MTMR6: variants seen among roughly 807,000 people sequenced by gnomAD.
MTMR6 encodes the protein myotubularin related protein 6.
MTMR6 carries 47 observed loss-of-function variants against 80.1 expected under a neutral mutation model. That is an observed-to-expected ratio of 0.59 (90% CI 0.46 to 0.75). MTMR6 has a LOEUF of 0.75. Ranked by LOEUF, MTMR6 falls within the 30% of genes least tolerant of loss-of-function variation. MTMR6 has a pLI of 0.00. For synonymous variants in MTMR6, 254 were observed against 253.0 expected, an observed-to-expected ratio of 1.00 and a Z score of -0.04; for missense variants, 629 against 730.9, an observed-to-expected ratio of 0.86 and a Z score of 1.61.
At chr13:25,271,771 T>G (rs1166942184) in intron 2 of MTMR6, among the ~76,000 whole-genome samples, 2 of 152,260 alleles carry the variant, frequency 1.3e-5, no homozygotes, top group Non-Finnish European at 2.9e-5. Flanking sequence ...TATTGGCTAT[T>G]GTTTCCAAAA....
chr13:25,283,043 G>C (rs968946361), intron 1 of MTMR6, among the ~76,000 whole-genome samples: 1 of 151,864 alleles, frequency 6.6e-6, no homozygotes, highest in Non-Finnish European at 1.5e-5. Flanking sequence ...CTCAAGGCCA[G>C]ACCTTTTCCC....
Position 25,260,659 on chromosome 13 carries a change from T to C in MTMR6, c.726+1009A>G, listed in dbSNP as rs763919152. 22 of 1,287,208 alleles carry C rather than the reference T, an allele frequency of 1.7e-5. No individual in the cohort carries two copies. The East Asian group carries it at 4.5e-4, about 26-fold the overall frequency. The allele number at this position is 1,287,208 out of a possible 1,614,324, so 79.7% of individuals were successfully genotyped here. A position where few individuals can be genotyped will look rare whatever the true frequency, so the allele number is the denominator to read the frequency against. On this transcript the variant is annotated intron_variant, in intron 6 of 13. Transcript: ENST00000381801. Reference sequence around the variant, plus strand: ...CACTATAATTCTGCCAATGTCCTTTTGTGTAGCCCACCAGCTCTGCATGCG... The same window carrying C: ...CACTATAATTCTGCCAATGTCCTTTCGTGTAGCCCACCAGCTCTGCATGCG...
At chr13:25,279,933 C>T (rs886572773) in intron 1 of MTMR6, among the ~76,000 whole-genome samples, 1 of 152,106 alleles carries the variant, frequency 6.6e-6, no homozygotes, top group Admixed American at 6.6e-5. Flanking sequence ...GGAAATATGG[C>T]TTGTAAGATC....
At chr13:25,263,050 G>A (rs988490325) in intron 5 of MTMR6, among the ~76,000 whole-genome samples, 2 of 152,110 alleles carry the variant, frequency 1.3e-5, no homozygotes, top group East Asian at 3.8e-4. Flanking sequence ...ATCCAAGTCA[G>A]GTTCGAATAA....
chr13:25,270,556 G>A (rs1449300894), intron 2 of MTMR6, among the ~76,000 whole-genome samples: 1 of 152,150 alleles, frequency 6.6e-6, no homozygotes, highest in Non-Finnish European at 1.5e-5. Context: ...AAATACTGAA[G>A]CAAGTGGACA....
At chr13:25,261,316 A>AAG (rs1957334461) in intron 6 of MTMR6, among the ~76,000 whole-genome samples, 1 of 146,226 alleles carries the variant, frequency 6.8e-6, no homozygotes, top group African/African-American at 2.6e-5. Context: ...AAAAAAAAAA[A>AAG]AAAAAAAAAA....
chr13:25,261,401 T>C (rs975848425), intron 6 of MTMR6, among the ~76,000 whole-genome samples: 1 of 150,024 alleles, frequency 6.7e-6, no homozygotes, highest in African/African-American at 2.5e-5. Flanking sequence ...AAGACTTATA[T>C]ACTAGCAAGA....
At position 25,267,847 on chromosome 13, in the gene MTMR6, T is replaced by C; in HGVS notation, c.236A>G (p.His79Arg). 6.2e-7 allele frequency: 1 copy of C among 1,613,876 alleles called. No homozygotes were observed. The highest frequency in any genetic ancestry group is 1.3e-5 in the African/African-American group (1 of 75,020). Residue 79 changes from histidine (H) to arginine (R), a missense_variant, in exon 3 of 14, where the codon CAT becomes CGT. Physicochemically the swap from His to Arg is conservative, Grantham distance 29 (BLOSUM62 0). Coordinates refer to ENST00000381801, the MANE Select transcript of MTMR6 (RefSeq NM_004685.5). ...VIQCKNFRTV[H>R]FIVPRERDCH... The stretch of plus-strand genomic sequence containing the variant: ...ATCTCTTTCTCTGGGAACAATGAAA[T>C]GCACAGTTCTGAAGTTCTTGCACTG...
At chr13:25,258,818 T>C in intron 6 of MTMR6, 126 bp from the exon 7 acceptor site, 1 of 677,600 alleles carries the variant, frequency 1.5e-6, no homozygotes, top group Non-Finnish European at 2.2e-6. Flanking sequence ...CAAAACTGAA[T>C]AAGCTACCAT....
chr13:25,269,081 G>A (rs1222786608), intron 2 of MTMR6, among the ~76,000 whole-genome samples: 3 of 152,096 alleles, frequency 2.0e-5, no homozygotes, highest in Non-Finnish European at 1.5e-5. Context: ...TGGCCCCTCT[G>A]GAAACTGCTT....
At position 25,278,801 on chromosome 13, in the gene MTMR6, C is replaced by T. The variant is rs556216573; in HGVS notation, c.25-4614G>A. Among the ~76,000 whole-genome samples, 352 of 150,782 alleles carry T rather than the reference C, an allele frequency of 2.3e-3. 2 individuals carry two copies. The highest frequency in any genetic ancestry group is 8.6e-3 in the South Asian group (41 of 4,752). The stretch of plus-strand genomic sequence containing the variant: ...TTAGGAGGCTGAGGCATGAGAATCA[C>T]TTGAACCCTGGAGGCAGAGGTTGCA... On this transcript the variant is annotated intron_variant, in intron 1 of 13. Transcript: ENST00000381801.
At chr13:25,258,455 C>T (rs902715836) in intron 7 of MTMR6, 105 bp downstream of exon 7, 4 of 917,262 alleles carry the variant, frequency 4.4e-6, no homozygotes, top group Non-Finnish European at 6.2e-6. Flanking sequence ...TCACTTGTTT[C>T]TTTTTACTTT....
At position 25,257,229 on chromosome 13, in the gene MTMR6, C is replaced by T; in HGVS notation, c.1062G>A (p.Leu354=). Residue 354 remains leucine, a synonymous_variant, in exon 9 of 14, where the codon TTG becomes TTA. Transcript: ENST00000381801. ...CTTTGATTGTCCTGTAGTAGGAATC[C>T]AATAAAAGAGAACCCAGGGAACAAA... ...SQVCSLGSLL[L]DSYYRTIKGF... 3 of 1,613,766 alleles carry T rather than the reference C, an allele frequency of 1.9e-6. No individual in the cohort carries two copies. Among genetic ancestry groups the T allele is most frequent in the South Asian group, 1.1e-5 (1 of 91,058 alleles).
At position 25,251,752 on chromosome 13, in the gene MTMR6, T is replaced by A; in HGVS notation, c.1502A>T (p.Gln501Leu). Residue 501 changes from glutamine (Q) to leucine (L), a missense_variant, in exon 13 of 14, where the codon CAA becomes CTA. Gln to Leu is a moderately radical substitution (Grantham distance 113). Coordinates refer to ENST00000381801, the MANE Select transcript of MTMR6 (RefSeq NM_004685.5). This position sits in a 1 kb window ranked among gnomAD's most constrained non-coding sequence, Gnocchi z 4.1. ...CCTAGGATGCAGTGTTCGATCAAAT[T>A]GATGGTACATGTTCCTCCAAAACCT... Reference protein sequence around the residue: ...NFKFWRNMYHQFDRTLHPRQS... With the variant: ...NFKFWRNMYHLFDRTLHPRQS... 1 of 1,605,554 alleles carries A rather than the reference T, an allele frequency of 6.2e-7. No homozygotes were observed. Among genetic ancestry groups the A allele is most frequent in the Non-Finnish European group, 8.5e-7 (1 of 1,176,066 alleles).
In MTMR6 at chr13:25,247,736, T is replaced by C. The variant is rs1957008552; in HGVS notation, c.*1496A>G. The C allele has an allele frequency of 1.3e-5, 2 of 152,062 alleles. No individual in the cohort carries two copies. The highest frequency in any genetic ancestry group is 4.8e-5 in the African/African-American group (2 of 41,420). 9.4% of individuals were successfully genotyped at this position (152,062 alleles called of 1,614,324 possible). On this transcript the variant is annotated 3_prime_UTR_variant, in exon 14 of 14. Transcript: ENST00000381801. ...GTATTACAGAAAAGCATTGGAAAAATAAACAGGATAAGATAAGCTCTCATA... is the reference window on the plus strand; with the variant it reads ...GTATTACAGAAAAGCATTGGAAAAACAAACAGGATAAGATAAGCTCTCATA...
At chr13:25,266,971 C>T (rs1173729644) in intron 3 of MTMR6, among the ~76,000 whole-genome samples, 1 of 152,136 alleles carries the variant, frequency 6.6e-6, no homozygotes, top group Non-Finnish European at 1.5e-5. Flanking sequence ...CGATAAGATT[C>T]TTCTTTAGTG....
At chr13:25,280,958 C>T (rs1957829459) in intron 1 of MTMR6, among the ~76,000 whole-genome samples, 1 of 152,156 alleles carries the variant, frequency 6.6e-6, no homozygotes, top group South Asian at 2.1e-4. Context: ...GCAGAAAGTT[C>T]AAATTTCAGC....
At chr13:25,266,815 G>A (rs1957466232) in intron 3 of MTMR6, among the ~76,000 whole-genome samples, 1 of 152,192 alleles carries the variant, frequency 6.6e-6, no homozygotes, top group Non-Finnish European at 1.5e-5. Context: ...ACAGGCTGAT[G>A]TGCTCAGAGA....
Position 25,287,456 on chromosome 13 carries a change from G to A in MTMR6, c.-209C>T, listed in dbSNP as rs1041031903. On this transcript the variant is annotated 5_prime_UTR_variant, in exon 1 of 14. Transcript: ENST00000381801. ...ACTTCCCCAAACCCCGCGGCCTCCC[G>A]GGGGACTCGGGGCAGGCAGACAGAG... 4 of 614,918 alleles carry A rather than the reference G, an allele frequency of 6.5e-6. No homozygotes were observed. The highest frequency in any genetic ancestry group is 1.8e-5 in the South Asian group (1 of 54,272). The allele number at this position is 614,918 out of a possible 1,614,324, so 38.1% of individuals were successfully genotyped here. A position where few individuals can be genotyped will look rare whatever the true frequency, so the allele number is the denominator to read the frequency against.
Sources: gnomAD v4.1 joint callset for allele counts (sites outside exome capture counted in the v4.1 genomes callset) on GRCh38, gnomAD v4.1.1 for gene constraint, Gnocchi (gnomAD v3.1) non-coding constraint, MANE v1.5 for transcripts, NCBI Gene and HGNC (gene_info 2026-07-23, HGNC 2026-07-21) for gene names.